Variants in TTC29 observed in about 807,000 individuals in gnomAD.
TTC29 encodes tetratricopeptide repeat domain 29, also known as tetratricopeptide repeat protein 29.
A neutral mutation model predicts 58.1 loss-of-function variants in TTC29; 49 were observed. The ratio of observed to expected loss-of-function variants is 0.84; its 90% CI spans 0.67 to 1.07. The LOEUF (loss-of-function observed/expected upper bound fraction) is 1.07. TTC29 is among the 50% of genes least tolerant of loss of function. The pLI is 0.00. For synonymous variants in TTC29, 209 were observed against 196.8 expected, an observed-to-expected ratio of 1.06 and a Z score of -0.52; for missense variants, 582 against 555.6, an observed-to-expected ratio of 1.05 and a Z score of -0.48.
At chr4:146,844,628 G>A (rs901261060) in intron 8 of TTC29, among the ~76,000 whole-genome samples, 26 of 151,852 alleles carry the variant, frequency 1.7e-4, no homozygotes, top group African/African-American at 5.6e-4. Flanking sequence ...CAATCCACCC[G>A]CCTTGGCCTC....
At chr4:146,934,130 T>C (rs1357168002) in intron 4 of TTC29, 1 of 152,302 alleles carries the variant, frequency 6.6e-6, no homozygotes, top group African/African-American at 2.4e-5. Context: ...GGGAATGTCA[T>C]GATCTAATGT....
intron 11 of TTC29, among the ~76,000 whole-genome samples, chr4:146,732,631 A>G (rs1026868239): frequency 1.3e-5 from 2 of 152,188 alleles, no homozygotes; most frequent in Non-Finnish European, 2.9e-5. Flanking sequence ...AGACAAGACC[A>G]TTGAAGGAGA....
chr4:146,785,862 TAAG>T (rs34654877), intron 11 of TTC29, among the ~76,000 whole-genome samples: 22,283 of 151,972 alleles, frequency 0.15, 1,749 homozygotes, highest in African/African-American at 0.22. Flanking sequence ...TAAACTGAAA[TAAG>T]AGAGTTTGAA....
At chr4:146,934,520 AGCTTGATGGAGAGGCCAGT>A (rs1425329728) in intron 4 of TTC29, among the ~76,000 whole-genome samples, 3 of 152,170 alleles carry the variant, frequency 2.0e-5, no homozygotes, top group Non-Finnish European at 2.9e-5. Flanking sequence ...AAAAACTTTC[AGCTTGATGGAGAGGCCAGT>A]GCTGGATTTA....
intron 11 of TTC29, among the ~76,000 whole-genome samples, chr4:146,754,767 A>T (rs536179330): frequency 6.6e-6 from 1 of 152,270 alleles, no homozygotes; most frequent in East Asian, 1.9e-4. Context: ...GAAGGAAAGT[A>T]GCTCAACATA....
At chr4:146,888,702 C>T (rs556939900) in intron 6 of TTC29, among the ~76,000 whole-genome samples, 29 of 152,232 alleles carry the variant, frequency 1.9e-4, no homozygotes, top group Admixed American at 3.3e-4. Flanking sequence ...TCCTTCTCTG[C>T]TTTTCATAAA....
At chr4:146,929,207 AC>A (rs1283938777) in intron 4 of TTC29, among the ~76,000 whole-genome samples, 2 of 152,176 alleles carry the variant, frequency 1.3e-5, no homozygotes, top group African/African-American at 2.4e-5. Context: ...TATAATTAAA[AC>A]TTTTCTAAAA....
intron 11 of TTC29, among the ~76,000 whole-genome samples, chr4:146,718,261 T>C (rs1409959442): frequency 6.6e-6 from 1 of 152,192 alleles, no homozygotes; most frequent in Non-Finnish European, 1.5e-5. Context: ...TATCATATGG[T>C]AATTTTATTT....
At chr4:146,907,047 G>C (rs975917523) in intron 5 of TTC29, among the ~76,000 whole-genome samples, 1 of 152,134 alleles carries the variant, frequency 6.6e-6, no homozygotes, top group Admixed American at 6.5e-5. Flanking sequence ...ACTTGAACCT[G>C]GAAGAAGGAG....
chr4:146,709,420 C>T (rs949495008), intron 11 of TTC29, among the ~76,000 whole-genome samples: 3 of 151,712 alleles, frequency 2.0e-5, no homozygotes, highest in Admixed American at 1.3e-4. Flanking sequence ...ATTTTTCTGT[C>T]TCTTCTTCCT....
chr4:146,846,426 T>C (rs1352822351), intron 8 of TTC29, among the ~76,000 whole-genome samples: 1 of 152,186 alleles, frequency 6.6e-6, no homozygotes, highest in East Asian at 1.9e-4. Flanking sequence ...TTCTTATCTG[T>C]GGAGGAAATA....
At chr4:146,822,303 C>A (rs942561593) in intron 9 of TTC29, among the ~76,000 whole-genome samples, 1 of 152,052 alleles carries the variant, frequency 6.6e-6, no homozygotes, top group Admixed American at 6.6e-5. Context: ...TCTTAGTGTT[C>A]AACTCCCACT....
At chr4:146,928,991 T>G (rs72960363) in intron 4 of TTC29, among the ~76,000 whole-genome samples, 12,506 of 152,094 alleles carry the variant, frequency 0.082, 684 homozygotes, top group East Asian at 0.19. Context: ...TTTTTAAAAA[T>G]CCAAAAAGCA....
intron 11 of TTC29, among the ~76,000 whole-genome samples, chr4:146,736,522 C>G (rs139199458): frequency 6.6e-6 from 1 of 152,230 alleles, no homozygotes; most frequent in East Asian, 1.9e-4. Flanking sequence ...AGTAAGATGG[C>G]CCAAGCCCAC....
At chr4:146,813,135 T>C (rs1264668014) in intron 10 of TTC29, 1 of 152,210 alleles carries the variant, frequency 6.6e-6, no homozygotes, top group Non-Finnish European at 1.5e-5. Flanking sequence ...TGATTTTTAG[T>C]GTCTAAAATG....
intron 11 of TTC29, among the ~76,000 whole-genome samples, chr4:146,786,035 A>G (rs1748987531): frequency 6.6e-6 from 1 of 152,084 alleles, no homozygotes; most frequent in African/African-American, 2.4e-5. Flanking sequence ...CTGAAATAGT[A>G]AACTTGGTTG....
intron 11 of TTC29, among the ~76,000 whole-genome samples, chr4:146,721,438 G>T (rs1743344524): frequency 1.3e-5 from 2 of 152,126 alleles, no homozygotes; most frequent in African/African-American, 4.8e-5. Flanking sequence ...GTAATCTTCA[G>T]ATTATAAACT....
intron 6 of TTC29, among the ~76,000 whole-genome samples, chr4:146,902,523 T>C (rs1733221406): frequency 6.6e-6 from 1 of 152,246 alleles, no homozygotes; most frequent in Non-Finnish European, 1.5e-5. Flanking sequence ...CTCTTACCAT[T>C]TGCTCTAATT....
At chr4:146,919,637 T>A (rs1443160192) in intron 4 of TTC29, among the ~76,000 whole-genome samples, 1 of 151,124 alleles carries the variant, frequency 6.6e-6, no homozygotes, top group East Asian at 1.9e-4. Flanking sequence ...AAACCACCCA[T>A]CTTCACACTG....
Sources: gnomAD v4.1 joint callset for allele counts (sites outside exome capture counted in the v4.1 genomes callset) on GRCh38, gnomAD v4.1.1 for gene constraint, MANE v1.5 for transcripts, NCBI Gene and HGNC (gene_info 2026-07-23, HGNC 2026-07-21) for gene names.